The following MAF variants were observed in gnomAD, a reference collection of about 807,000 sequenced individuals.
MAF encodes the protein transcription factor Maf.
A neutral mutation model predicts 22.0 loss-of-function variants in MAF; 10 were observed. The ratio of observed to expected loss-of-function variants is 0.45; its 90% CI spans 0.28 to 0.77. MAF has a LOEUF of 0.77. Ranked by LOEUF, MAF falls within the 30% of genes least tolerant of loss-of-function variation. The pLI is 0.12. For missense variants in MAF, 544 were observed against 548.4 expected (o/e 0.99, Z 0.08); for synonymous variants, 337 against 255.8 (o/e 1.32, Z -3.03).
chr16:79,536,197 G>A, the MAF span, among the ~76,000 whole-genome samples: 2 of 152,158 alleles, frequency 1.3e-5, no homozygotes, highest in Non-Finnish European at 1.5e-5. Context: ...TAAAACTTTG[G>A]CCCAGGCAGA....
Position 79,599,168 on chromosome 16 carries a change from GGCGCCCCCCGCCCCCGCC to G in MAF, c.717_734del (p.Ala240_Ala245del). On this transcript the variant is annotated inframe_deletion, in exon 1 of 2. Coordinates refer to ENST00000326043, the MANE Select transcript of MAF (RefSeq NM_005360.5). ...CGCCGGCGGCGTGGTGCGGGTGCAG[GGCGCCCCCCGCCCCCGCC>G]GCGCCCCCGCCGCCTCCGCCGCCGC... 7.5e-7 allele frequency: 1 copy of G among 1,338,500 alleles called. No individual in the cohort carries two copies. Among genetic ancestry groups the G allele is most frequent in the Non-Finnish European group, 9.7e-7 (1 of 1,034,962 alleles). The allele number at this position is 1,338,500 out of a possible 1,614,324, so 82.9% of individuals were successfully genotyped here.
At chr16:79,472,073 C>T in the MAF span, among the ~76,000 whole-genome samples, 1 of 151,952 alleles carries the variant, frequency 6.6e-6, no homozygotes, top group African/African-American at 2.4e-5. Context: ...CCCTCTCTTT[C>T]CTTTGCTCTG....
At chr16:79,382,698 C>T in the MAF span, among the ~76,000 whole-genome samples, 7 of 152,184 alleles carry the variant, frequency 4.6e-5, no homozygotes, top group Admixed American at 1.3e-4. Flanking sequence ...CTGTAAGCTG[C>T]ATTTGACCTT....
At chr16:79,474,377 A>G in the MAF span, among the ~76,000 whole-genome samples, 4 of 152,340 alleles carry the variant, frequency 2.6e-5, no homozygotes, top group African/African-American at 9.6e-5. Context: ...ACATATTTCT[A>G]TCCCTCATAT....
the MAF span, among the ~76,000 whole-genome samples, chr16:79,459,838 A>T: frequency 6.6e-6 from 1 of 152,178 alleles, no homozygotes; most frequent in African/African-American, 2.4e-5. Flanking sequence ...TGCTGGGATT[A>T]CAGGCATGAG....
chr16:79,429,014 G>A, the MAF span, among the ~76,000 whole-genome samples: 1 of 152,054 alleles, frequency 6.6e-6, no homozygotes, highest in African/African-American at 2.4e-5. Context: ...AGTTCATTTC[G>A]AGTCCATCCT....
At chr16:79,521,169 T>C in the MAF span, among the ~76,000 whole-genome samples, 1 of 152,198 alleles carries the variant, frequency 6.6e-6, no homozygotes. Context: ...AGTGAACATC[T>C]TATGCTCAAG....
chr16:79,370,953 C>T, the MAF span, among the ~76,000 whole-genome samples: 1 of 152,172 alleles, frequency 6.6e-6, no homozygotes, highest in Admixed American at 6.5e-5. Flanking sequence ...CAATCCACCT[C>T]AAGACTTGGT....
At chr16:79,314,421 C>T in the MAF span, among the ~76,000 whole-genome samples, 1 of 152,128 alleles carries the variant, frequency 6.6e-6, no homozygotes, top group African/African-American at 2.4e-5. Flanking sequence ...TCTGGGTCTG[C>T]GATGGGTTGC....
the MAF span, among the ~76,000 whole-genome samples, chr16:79,279,938 T>A: frequency 1.3e-5 from 2 of 152,110 alleles, no homozygotes. Context: ...ATACGGGGCT[T>A]GCCCGGGACA....
At chr16:79,415,680 C>A in the MAF span, among the ~76,000 whole-genome samples, 1 of 151,854 alleles carries the variant, frequency 6.6e-6, no homozygotes, top group Admixed American at 6.6e-5. Flanking sequence ...TAGGCCTCCA[C>A]CCCTCCCTTC....
chr16:79,478,498 T>A, the MAF span, among the ~76,000 whole-genome samples: 1 of 152,118 alleles, frequency 6.6e-6, no homozygotes, highest in African/African-American at 2.4e-5. Flanking sequence ...TCACTAGCAG[T>A]GGGATAGGTC....
At chr16:79,486,373 G>C in the MAF span, among the ~76,000 whole-genome samples, 1 of 152,062 alleles carries the variant, frequency 6.6e-6, no homozygotes, top group South Asian at 2.1e-4. Context: ...GATTCGCCCT[G>C]GTCATTTTAT....
the MAF span, among the ~76,000 whole-genome samples, chr16:79,376,883 A>G: frequency 1.1e-3 from 173 of 152,330 alleles, no homozygotes; most frequent in East Asian, 6.8e-3. Flanking sequence ...ATAGTATTCC[A>G]TGGTGTATAT....
chr16:79,392,491 T>C, the MAF span, among the ~76,000 whole-genome samples: 6 of 102,358 alleles, frequency 5.9e-5, no homozygotes, highest in Admixed American at 3.8e-4. Context: ...GATGGAGAGA[T>C]AGGAGGAGAG....
At chr16:79,549,867 A>G in the MAF span, among the ~76,000 whole-genome samples, 1 of 152,170 alleles carries the variant, frequency 6.6e-6, no homozygotes, top group African/African-American at 2.4e-5. Context: ...TCCGTAAATA[A>G]AGGAAGTCAA....
the MAF span, among the ~76,000 whole-genome samples, chr16:79,282,596 G>A: frequency 6.6e-6 from 1 of 152,178 alleles, no homozygotes; most frequent in Non-Finnish European, 1.5e-5. Flanking sequence ...TACGGTAACA[G>A]AATGAACTCA....
At chr16:79,557,002 G>C in the MAF span, among the ~76,000 whole-genome samples, 2 of 148,580 alleles carry the variant, frequency 1.3e-5, no homozygotes, top group African/African-American at 4.9e-5. Flanking sequence ...AAAAAATCAA[G>C]AGACAGGGGC....
the MAF span, among the ~76,000 whole-genome samples, chr16:79,344,396 G>C: frequency 6.6e-6 from 1 of 152,208 alleles, no homozygotes; most frequent in Non-Finnish European, 1.5e-5. Context: ...TGGGGTCCTA[G>C]TTAAGCATAT....
Sources: allele counts gnomAD v4.1 joint callset (sites outside exome capture counted in the v4.1 genomes callset), GRCh38; gene constraint gnomAD v4.1.1; transcripts MANE v1.5; gene names NCBI Gene and HGNC (gene_info 2026-07-23, HGNC 2026-07-21).